MEMO1: variants seen among roughly 807,000 people sequenced by gnomAD.
The protein encoded by MEMO1 is mediator of cell motility 1, also known as protein MEMO1.
Under a neutral mutation model 45.2 loss-of-function variants are expected in MEMO1, and 6 were observed. That is an observed-to-expected ratio of 0.13 (90% CI 0.07 to 0.26). The LOEUF (loss-of-function observed/expected upper bound fraction) is 0.26. MEMO1 is among the 10% of genes least tolerant of loss of function. The pLI, the probability that MEMO1 is intolerant of heterozygous loss-of-function variation, is 1.00. For missense variants in MEMO1, 184 were observed against 370.5 expected (o/e 0.50, Z 4.13); for synonymous variants, 78 against 124.3 (o/e 0.63, Z 2.48).
intron 6 of MEMO1, among the ~76,000 whole-genome samples, chr2:31,915,303 T>C (rs1429472549): frequency 6.6e-6 from 1 of 152,178 alleles, no homozygotes; most frequent in East Asian, 1.9e-4. Flanking sequence ...GAGACATGAA[T>C]TGTCCACCAG....
At chr2:31,886,549 C>A (rs1004375046) in intron 7 of MEMO1, among the ~76,000 whole-genome samples, 2 of 151,884 alleles carry the variant, frequency 1.3e-5, no homozygotes, top group African/African-American at 4.8e-5. Flanking sequence ...AGCACAAGTA[C>A]AATAAACTGA....
chr2:31,977,562 G>C, intron 2 of MEMO1, among the ~76,000 whole-genome samples: 1 of 151,984 alleles, frequency 6.6e-6, no homozygotes. Flanking sequence ...CACCCAGGCT[G>C]GAGTACAGTG....
intron 2 of MEMO1, among the ~76,000 whole-genome samples, chr2:31,959,449 A>G (rs1667756549): frequency 6.6e-6 from 1 of 152,078 alleles, no homozygotes; most frequent in South Asian, 2.1e-4. Context: ...GAGATCTTTC[A>G]TGAAGATTAA....
At chr2:31,972,318 C>A (rs55844748) in intron 2 of MEMO1, among the ~76,000 whole-genome samples, 2 of 151,946 alleles carry the variant, frequency 1.3e-5, no homozygotes, top group Non-Finnish European at 2.9e-5. Context: ...CAAAAACATA[C>A]CAAATTAAGA....
rs542776166 is a variant in MEMO1, at chr2:31,871,116, C to T, written c.658-1164G>A. ...ATAGAGCAACTTTAACTCACCAAGT[C>T]GGGGAAATAAATTATTGATTCTAGC... is the stretch of plus-strand genomic sequence containing the variant. On this transcript the variant is annotated intron_variant, in intron 8 of 9. Transcript: ENST00000404530. 2.9e-4 allele frequency among the ~76,000 whole-genome samples: 44 copies of T among 152,138 alleles called. 1 individual carries two copies. Among genetic ancestry groups the T allele is most frequent in the Middle Eastern group, 6.8e-3 (2 of 294 alleles).
intron 2 of MEMO1, among the ~76,000 whole-genome samples, chr2:31,982,867 A>G (rs1044978937): frequency 3.3e-5 from 5 of 152,080 alleles, no homozygotes; most frequent in Non-Finnish European, 5.9e-5. Context: ...AGTTACAGAT[A>G]AGTACAGGGA....
chr2:31,955,224 CG>C (rs200396339), intron 2 of MEMO1, among the ~76,000 whole-genome samples: 1,531 of 151,774 alleles, frequency 0.01, 20 homozygotes, highest in Middle Eastern at 0.054. Context: ...AACAAACAAA[CG>C]TGAGGCCCAC....
At chr2:31,987,811 T>C (rs567819497) in intron 2 of MEMO1, among the ~76,000 whole-genome samples, 1 of 146,392 alleles carries the variant, frequency 6.8e-6, no homozygotes. Flanking sequence ...AAAACCACCT[T>C]AGTGTATGGT....
intron 8 of MEMO1, among the ~76,000 whole-genome samples, chr2:31,877,810 T>C (rs1674773352): frequency 6.6e-6 from 1 of 152,192 alleles, no homozygotes. Context: ...ATATATTTAT[T>C]ATAAATTCCT....
intron 2 of MEMO1, among the ~76,000 whole-genome samples, chr2:31,948,264 A>G (rs1371888138): frequency 3.9e-5 from 6 of 152,246 alleles, no homozygotes; most frequent in African/African-American, 1.4e-4. Flanking sequence ...ATTTCTCCAC[A>G]AGGGAGCCTT....
intron 2 of MEMO1, among the ~76,000 whole-genome samples, chr2:31,970,754 G>A (rs936446388): frequency 2.6e-5 from 4 of 152,088 alleles, no homozygotes; most frequent in African/African-American, 2.4e-5. Flanking sequence ...CTGTAATCCC[G>A]GCACTTTGGG....
chr2:31,981,483 A>T (rs997694133), intron 2 of MEMO1, among the ~76,000 whole-genome samples: 21 of 152,214 alleles, frequency 1.4e-4, no homozygotes. Context: ...ATAATCACCA[A>T]ACAAATGTTC....
intron 6 of MEMO1, among the ~76,000 whole-genome samples, chr2:31,908,928 CACAGGCTCACCA>C (rs1680170311): frequency 6.6e-6 from 1 of 152,148 alleles, no homozygotes; most frequent in African/African-American, 2.4e-5. Flanking sequence ...AGACCAGTGG[CACAGGCTCACCA>C]AAAGAATTAC....
intron 7 of MEMO1, among the ~76,000 whole-genome samples, chr2:31,883,927 G>C (rs554389989): frequency 2.0e-5 from 3 of 150,436 alleles, no homozygotes; most frequent in African/African-American, 4.9e-5. Flanking sequence ...CCATGAGGTC[G>C]CAAATACTGT....
chr2:31,998,025 T>C (rs1297906306), intron 2 of MEMO1, among the ~76,000 whole-genome samples: 2 of 152,168 alleles, frequency 1.3e-5, no homozygotes, highest in African/African-American at 2.4e-5. Context: ...AAGCTTTTTT[T>C]TGAGACAGAA....
chr2:31,914,330 G>A lies in MEMO1; in HGVS notation c.437+3596C>T, dbSNP rs570945173. Among the ~76,000 whole-genome samples, 5 of 152,290 alleles carry A rather than the reference G, an allele frequency of 3.3e-5. No homozygotes were observed. In the East Asian group the frequency reaches 9.6e-4, roughly 29 times the overall value. On this transcript the variant is annotated intron_variant, in intron 6 of 9. Coordinates refer to ENST00000404530, the MANE Select transcript of MEMO1 (RefSeq NM_001301833.4). ...GAATTCACAGACGTGGAGAGTAGAA[G>A]GATGATTACCAGAGGCTGGGAAGAA... is the stretch of plus-strand genomic sequence containing the variant.
chr2:31,921,758 GA>G (rs1682339051), intron 4 of MEMO1, among the ~76,000 whole-genome samples: 1 of 152,052 alleles, frequency 6.6e-6, no homozygotes, highest in South Asian at 2.1e-4. Flanking sequence ...ATGGTAGGGT[GA>G]AAAAGGCATC....
chr2:31,938,785 TA>T (rs1665246117), intron 3 of MEMO1, among the ~76,000 whole-genome samples: 1 of 130,156 alleles, frequency 7.7e-6, no homozygotes, highest in South Asian at 2.7e-4. Context: ...CATAGAACAA[TA>T]TTTTTTTTTT....
At chr2:31,933,351 T>TAAAAAAAAAAAAAAAAAAA (rs869274123) in intron 3 of MEMO1, among the ~76,000 whole-genome samples, 2 of 45,088 alleles carry the variant, frequency 4.4e-5, no homozygotes, top group Non-Finnish European at 7.5e-5. Flanking sequence ...AAAAAAAAAT[T>TAAAAAAAAAAAAAAAAAAA]TATATATATA....
Sources: allele counts gnomAD v4.1 joint callset (sites outside exome capture counted in the v4.1 genomes callset), GRCh38; gene constraint gnomAD v4.1.1; transcripts MANE v1.5; gene names NCBI Gene and HGNC (gene_info 2026-07-23, HGNC 2026-07-21).